Variants in TRIM37 observed in about 807,000 individuals in gnomAD.
TRIM37 encodes the protein E3 ubiquitin-protein ligase TRIM37.
A neutral mutation model predicts 129.8 loss-of-function variants in TRIM37; 80 were observed. That is an observed-to-expected ratio of 0.62 (90% CI 0.51 to 0.74). The LOEUF is 0.74. Ranked by LOEUF, TRIM37 falls within the 30% of genes least tolerant of loss-of-function variation. The pLI, the probability that TRIM37 is intolerant of heterozygous loss-of-function variation, is 0.00. For missense variants in TRIM37, 1,054 were observed against 1,176.5 expected, an observed-to-expected ratio of 0.90 and a Z score of 1.52; for synonymous variants, 389 against 387.1, an observed-to-expected ratio of 1.00 and a Z score of -0.06.
At chr17:59,069,923 C>CA in intron 9 of TRIM37, among the ~76,000 whole-genome samples, 1 of 152,052 alleles carries the variant, frequency 6.6e-6, no homozygotes, top group East Asian at 1.9e-4. Flanking sequence ...CAAGCTGAGG[C>CA]AAAAAAGTGA....
intron 19 of TRIM37, among the ~76,000 whole-genome samples, chr17:59,026,674 C>T (rs1389786606): frequency 6.6e-6 from 1 of 152,178 alleles, no homozygotes; most frequent in African/African-American, 2.4e-5. Context: ...TGACCCCGCA[C>T]CTCCTCCAGC....
At chr17:59,023,985 G>C (rs893532378) in intron 19 of TRIM37, among the ~76,000 whole-genome samples, 4 of 151,942 alleles carry the variant, frequency 2.6e-5, no homozygotes, top group African/African-American at 9.7e-5. Context: ...AGGCCGAGGT[G>C]GGTGGATCAC....
intron 24 of TRIM37, among the ~76,000 whole-genome samples, chr17:58,989,423 G>A (rs935923835): frequency 5.3e-5 from 8 of 151,836 alleles, no homozygotes; most frequent in South Asian, 2.1e-4. Flanking sequence ...GTGACAGAGC[G>A]AGACTCTCTC....
the TRIM37 span, chr17:58,969,813 T>C: frequency 7.8e-7 from 1 of 1,287,252 alleles, no homozygotes; most frequent in Non-Finnish European, 1.1e-6. Context: ...ATTTAGATTT[T>C]CTCTTTCTGG....
At chr17:59,042,449 A>ATATATATATAT (rs1302050122) in intron 16 of TRIM37, among the ~76,000 whole-genome samples, 60 of 35,990 alleles carry the variant, frequency 1.7e-3, no homozygotes, top group African/African-American at 6.5e-3. Flanking sequence ...AAAAAAAAAA[A>ATATATATATAT]ATATATATAT....
intron 19 of TRIM37, among the ~76,000 whole-genome samples, chr17:59,027,854 A>T (rs2037408909): frequency 6.6e-6 from 1 of 152,044 alleles, no homozygotes; most frequent in East Asian, 1.9e-4. Context: ...TTTCTTTGCC[A>T]TACTGGTCTT....
downstream of TRIM37, among the ~76,000 whole-genome samples, chr17:58,996,854 ACAT>A (rs1384397165): frequency 1.3e-5 from 2 of 151,846 alleles, no homozygotes; most frequent in Non-Finnish European, 2.9e-5. Flanking sequence ...TTATATATCA[ACAT>A]CATATCCCCC....
chr17:59,017,983 T>G (rs1048856410), intron 19 of TRIM37, among the ~76,000 whole-genome samples: 3 of 152,166 alleles, frequency 2.0e-5, no homozygotes, highest in Non-Finnish European at 4.4e-5. Flanking sequence ...TCATACAAAT[T>G]TCAATGCAGT....
intron 12 of TRIM37, 26 bp from the exon 13 acceptor site, chr17:59,057,080 T>C: frequency 1.2e-6 from 2 of 1,602,986 alleles, no homozygotes; most frequent in African/African-American, 1.3e-5. Context: ...AGACCATTAC[T>C]ATACAGTTAG....
intron 12 of TRIM37, among the ~76,000 whole-genome samples, chr17:59,058,788 C>A (rs1419256755): frequency 6.6e-6 from 1 of 151,882 alleles, no homozygotes; most frequent in African/African-American, 2.4e-5. Context: ...CACCTGGGCC[C>A]AGGAGGTTGA....
At chr17:59,075,398 C>A (rs1412401577) in intron 8 of TRIM37, among the ~76,000 whole-genome samples, 1 of 151,876 alleles carries the variant, frequency 6.6e-6, no homozygotes, top group Non-Finnish European at 1.5e-5. Context: ...CCCGTCTCTA[C>A]TGAAAATACA....
intron 8 of TRIM37, among the ~76,000 whole-genome samples, chr17:59,074,670 C>A (rs1280285688): frequency 6.6e-6 from 1 of 151,996 alleles, no homozygotes; most frequent in Non-Finnish European, 1.5e-5. Flanking sequence ...AGATTCAATA[C>A]AAGAAAGATG....
At chr17:59,033,495 C>T (rs547793768) in intron 17 of TRIM37, among the ~76,000 whole-genome samples, 2 of 152,092 alleles carry the variant, frequency 1.3e-5, no homozygotes, top group East Asian at 2.0e-4. Flanking sequence ...TGCAGCGGCC[C>T]GATCTCCACT....
chr17:58,981,897 G>C (rs1309714489), downstream of TRIM37: 1 of 152,592 alleles, frequency 6.6e-6, no homozygotes, highest in African/African-American at 2.4e-5. Context: ...ATACACTATA[G>C]AGTCAAAATA....
intron 2 of TRIM37, among the ~76,000 whole-genome samples, chr17:59,100,861 A>G (rs2045389761): frequency 6.6e-6 from 1 of 152,090 alleles, no homozygotes; most frequent in African/African-American, 2.4e-5. Flanking sequence ...TGTTTCTACT[A>G]AAAATACAAA....
At position 59,096,626 on chromosome 17, in the gene TRIM37, A is replaced by C. The variant is rs369433500; in HGVS notation, c.124-5286T>G. Among the ~76,000 whole-genome samples the C allele has an allele frequency of 5.9e-5, 9 of 152,074 alleles. No homozygotes were observed. In the East Asian group the frequency reaches 1.7e-3, roughly 29 times the overall value. On this transcript the variant is annotated intron_variant, in intron 2 of 23. Transcript: ENST00000262294. The stretch of plus-strand genomic sequence containing the variant: ...TCTTTAAGAAACATTAATTACAGCA[A>C]TTATTAAAAATCTTAGATCATGGGC...
chr17:59,022,492 C>G (rs930845324), intron 19 of TRIM37, among the ~76,000 whole-genome samples: 1 of 152,224 alleles, frequency 6.6e-6, no homozygotes, highest in Non-Finnish European at 1.5e-5. Flanking sequence ...GGCATAGGCT[C>G]TGAAGTTCAA....
chr17:58,969,505 A>G, the TRIM37 span: 1 of 1,607,842 alleles, frequency 6.2e-7, no homozygotes, highest in South Asian at 1.1e-5. Flanking sequence ...TGCTATACCC[A>G]ACTCCCATAA....
intron 4 of TRIM37, chr17:59,088,070 C>T (rs376135173): frequency 2.5e-5 from 15 of 598,456 alleles, no homozygotes; most frequent in African/African-American, 5.6e-5. Context: ...GAGGGGAGGG[C>T]GAGAGGTATC....
Sources: allele counts gnomAD v4.1 joint callset (sites outside exome capture counted in the v4.1 genomes callset), GRCh38; gene constraint gnomAD v4.1.1; transcripts MANE v1.5; gene names NCBI Gene and HGNC (gene_info 2026-07-23, HGNC 2026-07-21).